The following TEX11 variants were observed in gnomAD, a reference collection of about 807,000 sequenced individuals.
The protein encoded by TEX11 is testis-expressed protein 11.
A neutral mutation model predicts 84.4 loss-of-function variants in TEX11; 7 were observed. The observed-to-expected ratio is 0.08, with a 90% CI of 0.05 to 0.16. The LOEUF is 0.16. Among genes scored for constraint, TEX11 ranks in the 10% least tolerant of loss-of-function variants. TEX11 has a pLI of 1.00. For missense variants in TEX11, 551 were observed against 660.5 expected (o/e 0.83, Z 1.82); for synonymous variants, 264 against 222.8 (o/e 1.18, Z -1.64).
Position 70,529,127 on chromosome X carries a change from G to T in TEX11, c.2746C>A (p.His916Asn). 8.3e-7 allele frequency: 1 copy of T among 1,210,577 alleles called. No individual in the cohort carries two copies. The highest frequency in any genetic ancestry group is 1.8e-5 in the South Asian group (1 of 56,860). Residue 916 changes from histidine (H) to asparagine (N), a missense_variant, in exon 30 of 30, where the codon CAT becomes AAT. Coordinates refer to ENST00000374333, the MANE Select transcript of TEX11 (RefSeq NM_031276.3). The part of the protein sequence containing the change: ...ALSNNKGPVF[H>N]EHGYWSKSD The stretch of plus-strand genomic sequence containing the variant: ...GACTTGCTCCAGTAGCCATGTTCAT[G>T]AAAAACTGGGCCCTTGTTGTTACTC...
At chrX:70,749,997 G>A (rs1333371960) in intron 9 of TEX11, among the ~76,000 whole-genome samples, 1 of 110,664 alleles carries the variant, frequency 9.0e-6, no homozygotes, top group Non-Finnish European at 1.9e-5. Context: ...CCTACAAAAT[G>A]GGAGAAAATT....
intron 5 of TEX11, among the ~76,000 whole-genome samples, chrX:70,857,771 T>A (rs1322827801): frequency 8.9e-6 from 1 of 111,780 alleles, no homozygotes; most frequent in East Asian, 2.8e-4. Context: ...AAGAATTACA[T>A]GTGCATGTGT....
chrX:70,907,532 G>T (rs2091840333), intron 2 of TEX11, among the ~76,000 whole-genome samples: 1 of 111,252 alleles, frequency 9.0e-6, no homozygotes. Context: ...TCAGCCTCCT[G>T]AGTAGCTGGG....
intron 13 of TEX11, among the ~76,000 whole-genome samples, chrX:70,722,348 T>G (rs1483380885): frequency 8.9e-6 from 1 of 112,335 alleles, no homozygotes; most frequent in African/African-American, 3.2e-5. Flanking sequence ...CATAGTTCAC[T>G]GTAACCTTGA....
At chrX:70,607,903 A>G (rs769542249) in intron 22 of TEX11, among the ~76,000 whole-genome samples, 2 of 112,181 alleles carry the variant, frequency 1.8e-5, no homozygotes, top group Admixed American at 1.9e-4. Flanking sequence ...ATTTTTCATT[A>G]TTTGCATCAG....
At chrX:70,730,032 A>G (rs910917150) in intron 11 of TEX11, among the ~76,000 whole-genome samples, 1 of 112,059 alleles carries the variant, frequency 8.9e-6, no homozygotes, top group African/African-American at 3.2e-5. Flanking sequence ...AGAATTTTCA[A>G]CCCAAATTTC....
intron 25 of TEX11, among the ~76,000 whole-genome samples, chrX:70,563,877 A>T (rs958420896): frequency 8.9e-6 from 1 of 112,472 alleles, no homozygotes; most frequent in Non-Finnish European, 1.9e-5. Flanking sequence ...TCCTTTTTAT[A>T]TATTGCTGGA....
chrX:70,521,087 C>T, the TEX11 span, among the ~76,000 whole-genome samples: 3 of 111,453 alleles, frequency 2.7e-5, no homozygotes, highest in African/African-American at 9.8e-5. Flanking sequence ...ACCCCTTGTG[C>T]TTCCTGGGTG....
chrX:70,569,865 C>T (rs1043385925), intron 25 of TEX11, among the ~76,000 whole-genome samples: 1 of 111,507 alleles, frequency 9.0e-6, no homozygotes, highest in Non-Finnish European at 1.9e-5. Context: ...TGTCAGGGAC[C>T]CACTTGAGGA....
chrX:70,778,099 C>A (rs2147782912), intron 9 of TEX11, among the ~76,000 whole-genome samples: 1 of 111,562 alleles, frequency 9.0e-6, no homozygotes, highest in South Asian at 3.7e-4. Context: ...GTTGGGTATA[C>A]TTATATCAGA....
intron 20 of TEX11, among the ~76,000 whole-genome samples, chrX:70,614,296 G>C (rs2089294494): frequency 9.0e-6 from 1 of 111,186 alleles, no homozygotes; most frequent in Non-Finnish European, 1.9e-5. Flanking sequence ...ACCTGCCTTG[G>C]GCCAGAGGGG....
intron 3 of TEX11, among the ~76,000 whole-genome samples, 153 bp downstream of exon 3, chrX:70,879,835 T>C (rs1228580638): frequency 9.0e-6 from 1 of 111,700 alleles, no homozygotes; most frequent in East Asian, 2.8e-4. Flanking sequence ...TTCTAAAATT[T>C]TTCCCCCTAA....
chrX:70,860,905 C>T lies in TEX11; in HGVS notation c.276G>A (p.Met92Ile). ...GTTCTGAGGCAAATGAGGCTTCACA[C>T]ATACTCAGCAACTTGCAAGCAACAT... is the stretch of plus-strand genomic sequence containing the variant. Reference protein sequence around the residue: ...LHYVACKLLSMCEASFASEQS... With the variant: ...LHYVACKLLSICEASFASEQS... Residue 92 changes from methionine (M) to isoleucine (I), a missense_variant, in exon 5 of 30, where the codon ATG becomes ATA. By Grantham distance (10) the Met-to-Ile change is conservative (BLOSUM62 1). Transcript: ENST00000374333. The T allele has an allele frequency of 8.4e-7, 1 of 1,187,124 alleles. No homozygotes were observed. Among genetic ancestry groups the T allele is most frequent in the Non-Finnish European group, 1.1e-6 (1 of 885,820 alleles).
At chrX:70,665,875 A>T (rs1396002717) in intron 16 of TEX11, among the ~76,000 whole-genome samples, 2 of 112,441 alleles carry the variant, frequency 1.8e-5, no homozygotes, top group Non-Finnish European at 3.8e-5. Flanking sequence ...TTCAGTTCTG[A>T]TAATCAAAGA....
intron 1 of TEX11, among the ~76,000 whole-genome samples, 182 bp from the exon 2 acceptor site, chrX:70,907,992 G>A (rs935252812): frequency 2.0e-4 from 22 of 111,433 alleles, no homozygotes; most frequent in Non-Finnish European, 1.9e-5. Context: ...TTACATAAAA[G>A]GGACCTTTTC....
At chrX:70,608,192 T>C (rs2089216626) in intron 22 of TEX11, among the ~76,000 whole-genome samples, 2 of 112,262 alleles carry the variant, frequency 1.8e-5, no homozygotes, top group Non-Finnish European at 3.8e-5. Flanking sequence ...GGCACCCACA[T>C]TAAGAAAGAT....
At chrX:70,516,420 C>T in the TEX11 span, among the ~76,000 whole-genome samples, 1 of 111,671 alleles carries the variant, frequency 9.0e-6, no homozygotes, top group Non-Finnish European at 1.9e-5. Flanking sequence ...TGTGAAAGAT[C>T]AGATGGTTGT....
chrX:70,675,539 CTTTTCT>C (rs375184132), intron 15 of TEX11, among the ~76,000 whole-genome samples: 11,749 of 108,912 alleles, frequency 0.11, 582 homozygotes, highest in Middle Eastern at 0.18. Flanking sequence ...ACCTTTCTTT[CTTTTCT>C]TTTTCTTTTT....
At chrX:70,586,964 A>G (rs760821022) in intron 25 of TEX11, among the ~76,000 whole-genome samples, 1 of 111,949 alleles carries the variant, frequency 8.9e-6, no homozygotes, top group Non-Finnish European at 1.9e-5. Flanking sequence ...GGCTGACATA[A>G]TCTCACATGG....
Sources: gnomAD v4.1 joint callset for allele counts (sites outside exome capture counted in the v4.1 genomes callset) on GRCh38, gnomAD v4.1.1 for gene constraint, MANE v1.5 for transcripts, NCBI Gene and HGNC (gene_info 2026-07-23, HGNC 2026-07-21) for gene names.